ROBO2: variants seen among roughly 807,000 people sequenced by gnomAD.
ROBO2 encodes the protein roundabout guidance receptor 2.
Under a neutral mutation model 160.8 loss-of-function variants are expected in ROBO2, and 53 were observed. The ratio of observed to expected loss-of-function variants is 0.33; its 90% CI spans 0.26 to 0.41. ROBO2 has a LOEUF of 0.41. ROBO2 is among the 10% of genes least tolerant of loss of function. The pLI is 1.00. For missense variants in ROBO2, 1,577 were observed against 1,722.4 expected (o/e 0.92, Z 1.49); for synonymous variants, 664 against 611.7 (o/e 1.09, Z -1.26).
chr3:77,474,737 G>C (rs1284658401), intron 2 of ROBO2, among the ~76,000 whole-genome samples: 1 of 151,586 alleles, frequency 6.6e-6, no homozygotes, highest in Non-Finnish European at 1.5e-5. Flanking sequence ...ACATTTACCA[G>C]ACCATTTTAG....
chr3:76,040,424 C>A (rs2067243142), intron 2 of ROBO2, among the ~76,000 whole-genome samples: 1 of 151,618 alleles, frequency 6.6e-6, no homozygotes, highest in African/African-American at 2.4e-5. Flanking sequence ...CAAAATCAAG[C>A]AAATAATTAC....
At chr3:76,890,548 C>T (rs2074271157) in intron 2 of ROBO2, among the ~76,000 whole-genome samples, 1 of 152,078 alleles carries the variant, frequency 6.6e-6, no homozygotes, top group South Asian at 2.1e-4. Context: ...CTGAAATTTT[C>T]TTAGGATGAC....
At position 76,633,104 on chromosome 3, in the gene ROBO2, G is replaced by A. The variant is rs558351028; in HGVS notation, c.110-464910G>A. ...ATACTTTCAAAGTAAGAATTGCAATGGGAATATATAGCTTGAAATTACTAA... is the reference window on the plus strand; with the variant it reads ...ATACTTTCAAAGTAAGAATTGCAATAGGAATATATAGCTTGAAATTACTAA... On this transcript the variant is annotated intron_variant, in intron 2 of 26. Coordinates refer to the ROBO2 transcript ENST00000487694. Among the ~76,000 whole-genome samples, 9 of 152,230 alleles carry A rather than the reference G, an allele frequency of 5.9e-5. No individual in the cohort carries two copies. The South Asian group carries it at 1.9e-3, about 32-fold the overall frequency.
At chr3:77,565,232 C>A in intron 12 of ROBO2, 112 bp downstream of exon 13, 2 of 1,177,376 alleles carry the variant, frequency 1.7e-6, no homozygotes, top group Non-Finnish European at 2.5e-6. Flanking sequence ...TGTATGATGG[C>A]TCACTAGGCT....
chr3:76,590,693 T>C (rs1290763561), intron 2 of ROBO2, among the ~76,000 whole-genome samples: 3 of 152,112 alleles, frequency 2.0e-5, no homozygotes, highest in Non-Finnish European at 2.9e-5. Context: ...AAAAAGCCTA[T>C]AGAATAAGGA....
rs547807116 is a variant in ROBO2 at position 76,283,136 on chromosome 3, GTA to G, written c.109+345549_109+345550del. ...GTTATATATGTATATATATAAAACT[GTA>G]TATATATATATATAAAACTACATAT... On this transcript the variant is annotated intron_variant, in intron 2 of 26. Transcript: ENST00000487694. Among the ~76,000 whole-genome samples, 45 of 63,536 alleles carry G rather than the reference GTA, an allele frequency of 7.1e-4. 5 individuals are homozygous for G. Among genetic ancestry groups the G allele is most frequent in the Non-Finnish European group, 1.0e-3 (30 of 29,400 alleles). The allele number at this position is 63,536 out of a possible 152,430, so 41.7% of individuals were successfully genotyped here.
chr3:77,568,021 G>T (rs1348276876), intron 12 of ROBO2, among the ~76,000 whole-genome samples: 1 of 152,002 alleles, frequency 6.6e-6, no homozygotes, highest in Non-Finnish European at 1.5e-5. Context: ...TTATCCTTTA[G>T]TAATAAAGTA....
chr3:77,225,556 C>A (rs866655207), intron 2 of ROBO2, among the ~76,000 whole-genome samples: 1 of 151,842 alleles, frequency 6.6e-6, no homozygotes, highest in African/African-American at 2.4e-5. Flanking sequence ...CATTATCAGG[C>A]AACCTATTTT....
chr3:76,810,208 T>C (rs1279819396), intron 2 of ROBO2, among the ~76,000 whole-genome samples: 1 of 151,992 alleles, frequency 6.6e-6, no homozygotes, highest in Non-Finnish European at 1.5e-5. Flanking sequence ...GGCAGAGAAA[T>C]GTACAAATTC....
At chr3:77,418,573 A>T (rs926786149) in intron 2 of ROBO2, among the ~76,000 whole-genome samples, 1 of 152,032 alleles carries the variant, frequency 6.6e-6, no homozygotes, top group Non-Finnish European at 1.5e-5. Context: ...GTAACACCAA[A>T]TCTCTTTAAG....
At chr3:77,593,287 A>G (rs775724) in intron 17 of ROBO2, among the ~76,000 whole-genome samples, 96,471 of 151,520 alleles carry the variant, frequency 0.64, 31,001 homozygotes, top group Middle Eastern at 0.72. Context: ...TTCACATTGC[A>G]TGTGTACTAA....
At chr3:76,282,522 ATG>A (rs748817754) in intron 2 of ROBO2, among the ~76,000 whole-genome samples, 1 of 152,094 alleles carries the variant, frequency 6.6e-6, no homozygotes, top group Non-Finnish European at 1.5e-5. Context: ...ATGTTTATAA[ATG>A]TAATTGCTTC....
chr3:77,160,375 C>G (rs758773856), intron 2 of ROBO2, among the ~76,000 whole-genome samples: 13 of 151,958 alleles, frequency 8.6e-5, no homozygotes, highest in Non-Finnish European at 1.6e-4. Context: ...ATACTTTTTT[C>G]TTACACATGG....
chr3:76,531,268 A>G (rs912653752), intron 2 of ROBO2, among the ~76,000 whole-genome samples: 4 of 152,010 alleles, frequency 2.6e-5, no homozygotes, highest in African/African-American at 9.7e-5. Flanking sequence ...AACCAAATGC[A>G]TCTACACCAT....
At chr3:76,827,072 C>T (rs1432939581) in intron 2 of ROBO2, among the ~76,000 whole-genome samples, 1 of 152,128 alleles carries the variant, frequency 6.6e-6, no homozygotes, top group African/African-American at 2.4e-5. Context: ...TTATGGCTTC[C>T]CTTTTGTTTG....
At chr3:77,596,555 G>A in intron 18 of ROBO2, 68 bp from the exon 20 acceptor site, 1 of 1,585,720 alleles carries the variant, frequency 6.3e-7, no homozygotes, top group Non-Finnish European at 8.7e-7. Context: ...GCTTTATATT[G>A]CATGAGACGA....
At chr3:76,901,964 A>AT (rs1306264535) in intron 2 of ROBO2, among the ~76,000 whole-genome samples, 1 of 151,692 alleles carries the variant, frequency 6.6e-6, no homozygotes, top group East Asian at 1.9e-4. Flanking sequence ...GTCCTTCCAT[A>AT]TTTTTTCCTG....
At chr3:76,272,865 A>T (rs1272333932) in intron 2 of ROBO2, among the ~76,000 whole-genome samples, 12 of 78,856 alleles carry the variant, frequency 1.5e-4, no homozygotes, top group Admixed American at 2.5e-4. Flanking sequence ...AAAATATATA[A>T]AATATATAAT....
At chr3:77,540,545 A>G (rs373962825) in intron 6 of ROBO2, among the ~76,000 whole-genome samples, 1 of 151,634 alleles carries the variant, frequency 6.6e-6, no homozygotes, top group Non-Finnish European at 1.5e-5. Flanking sequence ...AGGGAGGGGA[A>G]CAATACACAC....
Sources: gnomAD v4.1 joint callset for allele counts (sites outside exome capture counted in the v4.1 genomes callset) on GRCh38, gnomAD v4.1.1 for gene constraint, MANE v1.5 for transcripts, NCBI Gene and HGNC (gene_info 2026-07-23, HGNC 2026-07-21) for gene names.